Variants in SLIT2 observed in about 807,000 individuals in gnomAD.
SLIT2 encodes slit homolog 2 protein.
SLIT2 carries 41 observed loss-of-function variants against 185.7 expected under a neutral mutation model. That is an observed-to-expected ratio of 0.22 (90% CI 0.17 to 0.29). The LOEUF (loss-of-function observed/expected upper bound fraction) is 0.29. Among genes scored for constraint, SLIT2 ranks in the 10% least tolerant of loss-of-function variants. The pLI, the probability that SLIT2 is intolerant of heterozygous loss-of-function variation, is 1.00. For missense variants in SLIT2, 1,571 were observed against 1,909.0 expected, an observed-to-expected ratio of 0.82 and a Z score of 3.30; for synonymous variants, 693 against 680.2, an observed-to-expected ratio of 1.02 and a Z score of -0.29.
At chr4:20,357,834 A>G (rs1377845117) in intron 4 of SLIT2, among the ~76,000 whole-genome samples, 10 of 152,124 alleles carry the variant, frequency 6.6e-5, no homozygotes, top group Admixed American at 3.3e-4. Flanking sequence ...ATTGCTACAG[A>G]CACAAACTTT....
intron 4 of SLIT2, among the ~76,000 whole-genome samples, chr4:20,445,427 A>T (rs1202826261): frequency 6.6e-6 from 1 of 152,222 alleles, no homozygotes; most frequent in Admixed American, 6.5e-5. Context: ...ATTAAAGAAG[A>T]CGTTTAAAAG....
At chr4:20,426,327 C>A (rs1243632934) in intron 4 of SLIT2, among the ~76,000 whole-genome samples, 1 of 152,024 alleles carries the variant, frequency 6.6e-6, no homozygotes, top group East Asian at 1.9e-4. Context: ...ATGATGTATA[C>A]AAAAACAAAT....
intron 9 of SLIT2, among the ~76,000 whole-genome samples, chr4:20,502,728 TG>T (rs1200136794): frequency 6.6e-6 from 1 of 152,150 alleles, no homozygotes; most frequent in African/African-American, 2.4e-5. Flanking sequence ...GAATATAAAG[TG>T]GAAGTCAAAT....
At chr4:20,404,245 G>T (rs1335435796) in intron 4 of SLIT2, among the ~76,000 whole-genome samples, 1 of 151,968 alleles carries the variant, frequency 6.6e-6, no homozygotes, top group Non-Finnish European at 1.5e-5. Context: ...GTATTAAGCA[G>T]ATGTTCTAGG....
chr4:20,591,459 ATATG>A (rs1727508248), intron 30 of SLIT2, among the ~76,000 whole-genome samples: 1 of 152,116 alleles, frequency 6.6e-6, no homozygotes, highest in Non-Finnish European at 1.5e-5. Flanking sequence ...AAAATGTAGA[ATATG>A]TAGGTACAGT....
intron 4 of SLIT2, among the ~76,000 whole-genome samples, chr4:20,442,172 G>C (rs1729801718): frequency 6.6e-6 from 1 of 152,060 alleles, no homozygotes; most frequent in African/African-American, 2.4e-5. Context: ...AGGAAGGCAA[G>C]GGAGTGTGTA....
At chr4:20,518,783 T>G (rs1002412477) in intron 11 of SLIT2, among the ~76,000 whole-genome samples, 2 of 140,520 alleles carry the variant, frequency 1.4e-5, no homozygotes, top group African/African-American at 2.6e-5. Context: ...TTTTTTGTGT[T>G]TTTTAGTAGA....
chr4:20,335,494 A>T (rs926602014), intron 4 of SLIT2, among the ~76,000 whole-genome samples: 12 of 152,192 alleles, frequency 7.9e-5, no homozygotes, highest in Admixed American at 7.2e-4. Context: ...AGCTTATATT[A>T]TGTAACAGGG....
At chr4:20,441,542 T>G (rs930502839) in intron 4 of SLIT2, among the ~76,000 whole-genome samples, 4 of 141,580 alleles carry the variant, frequency 2.8e-5, no homozygotes, top group African/African-American at 1.1e-4. Flanking sequence ...TCTCTCTCTC[T>G]CTCTCTGTCT....
intron 4 of SLIT2, among the ~76,000 whole-genome samples, chr4:20,277,055 G>T (rs895707462): frequency 6.6e-6 from 1 of 152,146 alleles, no homozygotes; most frequent in East Asian, 1.9e-4. Context: ...CCTTAGACAC[G>T]ACAAGGCATC....
At chr4:20,372,995 TA>T (rs1392320621) in intron 4 of SLIT2, among the ~76,000 whole-genome samples, 1 of 152,116 alleles carries the variant, frequency 6.6e-6, no homozygotes, top group Non-Finnish European at 1.5e-5. Flanking sequence ...ATTTTCTCAT[TA>T]CCTACTCAGT....
intron 4 of SLIT2, among the ~76,000 whole-genome samples, chr4:20,336,097 T>A (rs1720477209): frequency 6.6e-6 from 1 of 152,124 alleles, no homozygotes; most frequent in Non-Finnish European, 1.5e-5. Context: ...CATGATGACA[T>A]TCTAGGATAT....
chr4:20,289,389 T>C (rs1259626176), intron 4 of SLIT2, among the ~76,000 whole-genome samples: 2 of 152,170 alleles, frequency 1.3e-5, no homozygotes, highest in African/African-American at 4.8e-5. Context: ...GTAGTTACTA[T>C]TGTTGTTGCC....
At chr4:20,423,160 A>G (rs1391733140) in intron 4 of SLIT2, among the ~76,000 whole-genome samples, 1 of 152,090 alleles carries the variant, frequency 6.6e-6, no homozygotes, top group Non-Finnish European at 1.5e-5. Context: ...ACTACAGCCA[A>G]AGTAAATCCA....
At chr4:20,436,638 T>TCCA (rs1407358584) in intron 4 of SLIT2, among the ~76,000 whole-genome samples, 1 of 152,192 alleles carries the variant, frequency 6.6e-6, no homozygotes, top group African/African-American at 2.4e-5. Flanking sequence ...TAAAGTGAAA[T>TCCA]CCAGCCTTTT....
At chr4:20,255,912 G>A (rs563481340) in intron 1 of SLIT2, among the ~76,000 whole-genome samples, 1 of 152,194 alleles carries the variant, frequency 6.6e-6, no homozygotes, top group African/African-American at 2.4e-5. Flanking sequence ...TTTACTTGAA[G>A]TGATTGGAAC....
chr4:20,560,705 T>C (rs911684427), intron 26 of SLIT2, among the ~76,000 whole-genome samples: 3 of 151,942 alleles, frequency 2.0e-5, no homozygotes, highest in African/African-American at 7.3e-5. Flanking sequence ...TTTTTTTATT[T>C]GAAAGACATT....
In SLIT2 at chr4:20,314,514, G is replaced by A. The variant is rs564161855; in HGVS notation, c.395+45633G>A. On this transcript the variant is annotated intron_variant, in intron 4 of 36. Coordinates refer to ENST00000504154, the MANE Select transcript of SLIT2 (RefSeq NM_004787.4). Reference sequence around the variant, plus strand: ...ATAAAACAAAACCTCTGTCCTTGTCGAGCTTAGTATTTTAGAAAGTGAATA... The same window carrying A: ...ATAAAACAAAACCTCTGTCCTTGTCAAGCTTAGTATTTTAGAAAGTGAATA... Among the ~76,000 whole-genome samples, 6 of 152,134 alleles carry A rather than the reference G, an allele frequency of 3.9e-5. No individual in the cohort carries two copies. The South Asian group carries it at 6.2e-4, about 16-fold the overall frequency.
At chr4:20,381,535 A>G (rs547230030) in intron 4 of SLIT2, among the ~76,000 whole-genome samples, 7 of 152,204 alleles carry the variant, frequency 4.6e-5, no homozygotes, top group Admixed American at 3.9e-4. Context: ...TCTCTGTTCC[A>G]TGGATAATTT....
Sources: gnomAD v4.1 joint callset for allele counts (sites outside exome capture counted in the v4.1 genomes callset) on GRCh38, gnomAD v4.1.1 for gene constraint, MANE v1.5 for transcripts, NCBI Gene and HGNC (gene_info 2026-07-23, HGNC 2026-07-21) for gene names.